The following BRINP3 variants were observed in gnomAD, a reference collection of about 807,000 sequenced individuals.
BRINP3 encodes the protein BMP/retinoic acid inducible neural specific 3.
Under a neutral mutation model 71.0 loss-of-function variants are expected in BRINP3, and 19 were observed. The ratio of observed to expected loss-of-function variants is 0.27; its 90% CI spans 0.19 to 0.39. The LOEUF (loss-of-function observed/expected upper bound fraction) is 0.39. Among genes scored for constraint, BRINP3 ranks in the 10% least tolerant of loss-of-function variants. The pLI, the probability that BRINP3 is intolerant of heterozygous loss-of-function variation, is 1.00. For synonymous variants in BRINP3, 380 were observed against 337.7 expected, an observed-to-expected ratio of 1.13 and a Z score of -1.37; for missense variants, 959 against 940.8, an observed-to-expected ratio of 1.02 and a Z score of -0.25.
chr1:190,440,855 A>G (rs1226921048), intron 2 of BRINP3, among the ~76,000 whole-genome samples: 1 of 152,040 alleles, frequency 6.6e-6, no homozygotes, highest in East Asian at 1.9e-4. Flanking sequence ...TCACAACCTA[A>G]GTAAACATTT....
At chr1:190,224,810 C>T (rs964185264) in intron 6 of BRINP3, among the ~76,000 whole-genome samples, 2 of 151,834 alleles carry the variant, frequency 1.3e-5, no homozygotes, top group African/African-American at 4.8e-5. Flanking sequence ...AAAACCAAAA[C>T]TAATAACCCA....
chr1:190,429,689 C>A (rs1158293641), intron 2 of BRINP3, among the ~76,000 whole-genome samples: 1 of 150,536 alleles, frequency 6.6e-6, no homozygotes, highest in Non-Finnish European at 1.5e-5. Flanking sequence ...CTCCTGGGTT[C>A]AAACGATTCT....
At chr1:190,426,715 T>C (rs2102485097) in intron 2 of BRINP3, among the ~76,000 whole-genome samples, 1 of 152,010 alleles carries the variant, frequency 6.6e-6, no homozygotes, top group Non-Finnish European at 1.5e-5. Flanking sequence ...TAATTTTGTT[T>C]CCTCATAGTT....
chr1:190,339,183 A>G (rs1667491042), intron 2 of BRINP3, among the ~76,000 whole-genome samples: 1 of 152,012 alleles, frequency 6.6e-6, no homozygotes, highest in African/African-American at 2.4e-5. Context: ...TCACAAAAAT[A>G]GTTAATCTAC....
intron 2 of BRINP3, among the ~76,000 whole-genome samples, chr1:190,416,155 A>G (rs539270970): frequency 6.6e-6 from 1 of 152,304 alleles, no homozygotes; most frequent in South Asian, 2.1e-4. Context: ...CTCAATAACT[A>G]TAAACACCTT....
At chr1:190,106,628 T>C (rs1459080468) in intron 7 of BRINP3, among the ~76,000 whole-genome samples, 1 of 151,452 alleles carries the variant, frequency 6.6e-6, no homozygotes, top group Non-Finnish European at 1.5e-5. Flanking sequence ...AAACTAGAAA[T>C]GTTCTTGGTT....
chr1:190,262,018 T>A (rs953572446), intron 4 of BRINP3, among the ~76,000 whole-genome samples: 2 of 152,168 alleles, frequency 1.3e-5, no homozygotes, highest in Non-Finnish European at 2.9e-5. Flanking sequence ...GTCATACTTA[T>A]AAATGAAGGG....
chr1:190,451,557 T>C (rs1198601999), intron 2 of BRINP3, among the ~76,000 whole-genome samples: 2 of 151,756 alleles, frequency 1.3e-5, no homozygotes, highest in Non-Finnish European at 2.9e-5. Flanking sequence ...TTTCTGAAAC[T>C]AAAAACACTT....
intron 2 of BRINP3, among the ~76,000 whole-genome samples, chr1:190,379,362 A>T (rs1670374133): frequency 6.6e-6 from 1 of 152,184 alleles, no homozygotes; most frequent in Admixed American, 6.5e-5. Context: ...CTGAGGAAGA[A>T]AAGGTACAAA....
intron 3 of BRINP3, among the ~76,000 whole-genome samples, chr1:190,274,627 C>T (rs1279175868): frequency 1.3e-5 from 2 of 151,646 alleles, no homozygotes; most frequent in East Asian, 3.9e-4. Flanking sequence ...CATATTATTA[C>T]TTGTGCTAAA....
chr1:190,302,890 G>C (rs750461939), intron 2 of BRINP3: 1 of 151,562 alleles, frequency 6.6e-6, no homozygotes, highest in Non-Finnish European at 1.5e-5. Context: ...ATATGTCCTT[G>C]TTATAAAACA....
At chr1:190,462,948 G>A (rs959825303) in intron 1 of BRINP3, among the ~76,000 whole-genome samples, 1 of 151,586 alleles carries the variant, frequency 6.6e-6, no homozygotes, top group Non-Finnish European at 1.5e-5. Context: ...TGTTTGCTTT[G>A]TATAGTTTAA....
intron 2 of BRINP3, among the ~76,000 whole-genome samples, chr1:190,445,713 A>T (rs983812359): frequency 1.5e-4 from 23 of 152,218 alleles, no homozygotes; most frequent in Middle Eastern, 6.8e-3. Context: ...TTAGCAATTC[A>T]AAAGCTCCAG....
intron 6 of BRINP3, among the ~76,000 whole-genome samples, chr1:190,214,226 T>C (rs934076340): frequency 1.3e-5 from 2 of 152,150 alleles, no homozygotes; most frequent in African/African-American, 4.8e-5. Flanking sequence ...CTGGAAGTGC[T>C]TATTATAGTT....
intron 6 of BRINP3, among the ~76,000 whole-genome samples, chr1:190,205,210 T>G (rs1655392227): frequency 6.6e-6 from 1 of 151,326 alleles, no homozygotes; most frequent in African/African-American, 2.4e-5. Context: ...TGAATAAACT[T>G]TCCGTGTTTT....
At chr1:190,293,105 T>G (rs1177745887) in intron 2 of BRINP3, among the ~76,000 whole-genome samples, 1 of 152,106 alleles carries the variant, frequency 6.6e-6, no homozygotes, top group Non-Finnish European at 1.5e-5. Context: ...CTACATTTCT[T>G]GAGGTGCATC....
intron 2 of BRINP3, among the ~76,000 whole-genome samples, chr1:190,287,913 T>C (rs887833179): frequency 1.3e-5 from 2 of 152,084 alleles, no homozygotes; most frequent in Non-Finnish European, 2.9e-5. Context: ...TTAAATCACT[T>C]TCATAGCTTA....
intron 2 of BRINP3, among the ~76,000 whole-genome samples, chr1:190,414,604 T>C (rs771733992): frequency 1.8e-4 from 27 of 152,134 alleles, no homozygotes; most frequent in Non-Finnish European, 2.8e-4. Flanking sequence ...TCTAGGAAAA[T>C]AGAAAGAGGC....
intron 6 of BRINP3, among the ~76,000 whole-genome samples, chr1:190,181,342 T>C (rs181240580): frequency 6.6e-6 from 1 of 152,188 alleles, no homozygotes; most frequent in East Asian, 1.9e-4. Flanking sequence ...TGGTTGTTTC[T>C]AGTTTTTGAC....
Sources: gnomAD v4.1 joint callset for allele counts (sites outside exome capture counted in the v4.1 genomes callset) on GRCh38, gnomAD v4.1.1 for gene constraint, MANE v1.5 for transcripts, NCBI Gene and HGNC (gene_info 2026-07-23, HGNC 2026-07-21) for gene names.